Variants in KANK1 observed in about 807,000 individuals in gnomAD.
KANK1 encodes the protein KN motif and ankyrin repeat domains 1, also known as KN motif and ankyrin repeat domain-containing protein 1.
In KANK1, 109 loss-of-function variants were observed where a neutral mutation model predicts 106.2. The ratio of observed to expected loss-of-function variants is 1.03; its 90% CI spans 0.88 to 1.20. KANK1 has a LOEUF of 1.20. Ranked by LOEUF, KANK1 falls within the 50% of genes most tolerant of loss-of-function variation. The probability of loss-of-function intolerance (pLI) is 0.00; values close to 1 mark genes in which losing one functional copy is unlikely to be tolerated. For synonymous variants in KANK1, 873 were observed against 652.2 expected (o/e 1.34, Z -5.16); for missense variants, 2,399 against 1,710.7 (o/e 1.40, Z -7.10).
chr9:658,165 C>T (rs1175452878), intron 1 of KANK1, among the ~76,000 whole-genome samples: 1 of 152,104 alleles, frequency 6.6e-6, no homozygotes, highest in Non-Finnish European at 1.5e-5. Context: ...AGTGTCCTTT[C>T]CCCGTGATGA....
intron 1 of KANK1, among the ~76,000 whole-genome samples, chr9:547,104 C>T (rs2060980119): frequency 1.3e-5 from 2 of 152,208 alleles, no homozygotes; most frequent in Admixed American, 6.5e-5. Flanking sequence ...TAGCAGCTCC[C>T]TCTGTTGGTG....
chr9:524,446 C>T (rs1231131335), intron 1 of KANK1, among the ~76,000 whole-genome samples: 4 of 151,648 alleles, frequency 2.6e-5, no homozygotes, highest in East Asian at 1.9e-4. Flanking sequence ...TCTTAGCTTA[C>T]GGCTGGTTTT....
At chr9:690,209 G>C (rs921612723) in intron 2 of KANK1, among the ~76,000 whole-genome samples, 2 of 150,370 alleles carry the variant, frequency 1.3e-5, no homozygotes, top group African/African-American at 4.9e-5. Context: ...AGGAGACTGA[G>C]GCAGGAGAAT....
At chr9:623,955 T>C (rs1052931306) in intron 1 of KANK1, among the ~76,000 whole-genome samples, 6 of 151,602 alleles carry the variant, frequency 4.0e-5, no homozygotes, top group Admixed American at 2.6e-4. Context: ...TTACTCACAA[T>C]AGCAAAGATA....
chr9:562,687 C>G (rs747029096), intron 1 of KANK1, among the ~76,000 whole-genome samples: 1 of 152,170 alleles, frequency 6.6e-6, no homozygotes, highest in East Asian at 1.9e-4. Context: ...ATAGTACTTT[C>G]TAACCTGTAA....
chr9:682,167 C>G (rs926402472), intron 2 of KANK1, among the ~76,000 whole-genome samples: 8 of 151,724 alleles, frequency 5.3e-5, no homozygotes, highest in African/African-American at 1.9e-4. Context: ...GTAATTCCAG[C>G]TACTCGGGAG....
chr9:624,209 A>G (rs1833835105), intron 1 of KANK1, among the ~76,000 whole-genome samples: 2 of 152,132 alleles, frequency 1.3e-5, no homozygotes, highest in African/African-American at 4.8e-5. Flanking sequence ...TAGAATGGTG[A>G]TTGTCAGGGT....
intron 1 of KANK1, among the ~76,000 whole-genome samples, chr9:506,757 T>C (rs914995355): frequency 2.0e-5 from 3 of 152,110 alleles, no homozygotes; most frequent in Non-Finnish European, 2.9e-5. Flanking sequence ...ACATTAACTT[T>C]TTATCCCAAG....
chr9:539,562 C>T (rs916934999), intron 1 of KANK1: 1 of 152,146 alleles, frequency 6.6e-6, no homozygotes, highest in African/African-American at 2.4e-5. Flanking sequence ...GCGATCACAG[C>T]TTACTGCAGC....
rs1036656258 is a variant in KANK1, at chr9:699,518, G to C, written c.38-11286G>C. Among the ~76,000 whole-genome samples, 4 of 152,254 alleles carry C rather than the reference G, an allele frequency of 2.6e-5. No individual in the cohort carries two copies. The South Asian group carries it at 8.3e-4, about 32-fold the overall frequency. ...GTGCAGGTTAATGTCTGTTAAAAAA[G>C]TCCAGATAAGATTATCTGTGAGAGG... On this transcript the variant is annotated intron_variant, in intron 2 of 11. Coordinates refer to ENST00000382297, the MANE Select transcript of KANK1 (RefSeq NM_015158.5).
chr9:535,604 A>G (rs1041878816), intron 1 of KANK1, among the ~76,000 whole-genome samples: 2 of 152,218 alleles, frequency 1.3e-5, no homozygotes, highest in African/African-American at 2.4e-5. Context: ...GTGAGATGAA[A>G]CAGACAATAC....
chr9:542,943 G>C (rs972787247), intron 1 of KANK1, among the ~76,000 whole-genome samples: 1 of 152,094 alleles, frequency 6.6e-6, no homozygotes, highest in African/African-American at 2.4e-5. Flanking sequence ...TTTCAGTTAA[G>C]TTAAATATGT....
At chr9:669,520 T>G (rs1337830216) in intron 1 of KANK1, among the ~76,000 whole-genome samples, 1 of 151,832 alleles carries the variant, frequency 6.6e-6, no homozygotes, top group African/African-American at 2.4e-5. Context: ...TTTTTGGGGT[T>G]TTTTCTTTCA....
chr9:504,790 C>CCGCGCTGCGCCCCGTGT (rs1264887858), intron 1 of KANK1, 36 bp downstream of exon 1: 2 of 148,040 alleles, frequency 1.4e-5, no homozygotes, highest in African/African-American at 2.5e-5. Context: ...GCGCCCCGTG[C>CCGCGCTGCGCCCCGTGT]CGCGGCGAGG....
intron 2 of KANK1, chr9:686,842 A>T (rs1421878703): frequency 1.0e-6 from 1 of 985,276 alleles, no homozygotes; most frequent in Admixed American, 6.1e-5. Flanking sequence ...TGGGTGCTAG[A>T]AAACAGCAGC....
At chr9:581,777 C>T (rs10975265) in intron 1 of KANK1, among the ~76,000 whole-genome samples, 6 of 152,224 alleles carry the variant, frequency 3.9e-5, no homozygotes, top group East Asian at 1.9e-4. Context: ...AGAAGTTATC[C>T]GTTTACACCA....
At chr9:511,561 TTGGTTGAGG>T (rs1237337294) in intron 1 of KANK1, among the ~76,000 whole-genome samples, 106 of 145,186 alleles carry the variant, frequency 7.3e-4, no homozygotes, top group African/African-American at 3.0e-3. Context: ...ACCAACTCTG[TTGGTTGAGG>T]CAGTCACCTG....
intron 3 of KANK1, among the ~76,000 whole-genome samples, chr9:477,201 A>G (rs1486203667): frequency 6.7e-6 from 1 of 150,342 alleles, no homozygotes; most frequent in Non-Finnish European, 1.5e-5. Flanking sequence ...TTTTAGATGT[A>G]TTTTTCTCTT....
intron 1 of KANK1, among the ~76,000 whole-genome samples, chr9:553,650 A>G (rs1350704803): frequency 2.0e-5 from 3 of 152,216 alleles, no homozygotes; most frequent in Admixed American, 6.5e-5. Flanking sequence ...AAACTGTTGT[A>G]AGGATTTTGT....
Sources: gnomAD v4.1 joint callset for allele counts (sites outside exome capture counted in the v4.1 genomes callset) on GRCh38, gnomAD v4.1.1 for gene constraint, MANE v1.5 for transcripts, NCBI Gene and HGNC (gene_info 2026-07-23, HGNC 2026-07-21) for gene names.